Variants in CAMK1D observed in about 807,000 individuals in gnomAD.
CAMK1D encodes the protein calcium/calmodulin dependent protein kinase ID.
Under a neutral mutation model 47.7 loss-of-function variants are expected in CAMK1D, and 9 were observed. The observed-to-expected ratio is 0.19, with a 90% CI of 0.11 to 0.33. The LOEUF (loss-of-function observed/expected upper bound fraction) is 0.33. Among genes scored for constraint, CAMK1D ranks in the 10% least tolerant of loss-of-function variants. The pLI, the probability that CAMK1D is intolerant of heterozygous loss-of-function variation, is 1.00. For missense variants in CAMK1D, 291 were observed against 488.7 expected, an observed-to-expected ratio of 0.60 and a Z score of 3.81; for synonymous variants, 184 against 184.9, an observed-to-expected ratio of 0.99 and a Z score of 0.04.
intron 1 of CAMK1D, among the ~76,000 whole-genome samples, chr10:12,404,727 C>T (rs951974623): frequency 6.6e-6 from 1 of 150,766 alleles, no homozygotes; most frequent in African/African-American, 2.4e-5. Context: ...TGGAGTCTCA[C>T]TCTGTCACCC....
chr10:12,736,672 C>T (rs576823147), intron 3 of CAMK1D, among the ~76,000 whole-genome samples: 5 of 151,738 alleles, frequency 3.3e-5, no homozygotes, highest in African/African-American at 9.7e-5. Flanking sequence ...TATGTTGACA[C>T]GATGTGCTTC....
At chr10:12,443,492 C>T (rs1295484043) in intron 1 of CAMK1D, among the ~76,000 whole-genome samples, 1 of 152,116 alleles carries the variant, frequency 6.6e-6, no homozygotes, top group Non-Finnish European at 1.5e-5. Context: ...AGAGAGGGTT[C>T]TTGGATCTCA....
chr10:12,561,288 G>T (rs2132291070), intron 2 of CAMK1D, among the ~76,000 whole-genome samples: 1 of 152,188 alleles, frequency 6.6e-6, no homozygotes, highest in Non-Finnish European at 1.5e-5. Flanking sequence ...TGGTGTGCGT[G>T]GTTAAAGCCG....
At chr10:12,512,285 A>C (rs2132166038) in intron 1 of CAMK1D, among the ~76,000 whole-genome samples, 1 of 152,346 alleles carries the variant, frequency 6.6e-6, no homozygotes, top group East Asian at 1.9e-4. Flanking sequence ...ACTTTTAGGA[A>C]TTCTGATTCG....
chr10:12,444,384 G>A (rs1380083661), intron 1 of CAMK1D, among the ~76,000 whole-genome samples: 2 of 152,156 alleles, frequency 1.3e-5, no homozygotes, highest in Admixed American at 6.6e-5. Flanking sequence ...TTGAGGAGGT[G>A]TATATGCTGA....
At chr10:12,482,656 C>T (rs949913866) in intron 1 of CAMK1D, among the ~76,000 whole-genome samples, 1 of 152,172 alleles carries the variant, frequency 6.6e-6, no homozygotes, top group African/African-American at 2.4e-5. Flanking sequence ...GTGACACACA[C>T]ATTTGCATTG....
chr10:12,573,081 A>G (rs906491811), intron 2 of CAMK1D, among the ~76,000 whole-genome samples: 1 of 152,210 alleles, frequency 6.6e-6, no homozygotes, highest in Non-Finnish European at 1.5e-5. Flanking sequence ...AGAAGCAAAG[A>G]AGAAAGGCAA....
intron 1 of CAMK1D, among the ~76,000 whole-genome samples, chr10:12,478,537 C>A (rs1588533092): frequency 6.6e-6 from 1 of 152,034 alleles, no homozygotes; most frequent in Non-Finnish European, 1.5e-5. Context: ...AAACTCCTGG[C>A]CCCAACGAGT....
chr10:12,462,803 C>T (rs1165762800), intron 1 of CAMK1D, among the ~76,000 whole-genome samples: 1 of 152,138 alleles, frequency 6.6e-6, no homozygotes, highest in Non-Finnish European at 1.5e-5. Context: ...GCAATCCTCC[C>T]ATCTCAGCTC....
chr10:12,763,960 C>G (rs1030210323), intron 4 of CAMK1D, among the ~76,000 whole-genome samples: 1 of 152,192 alleles, frequency 6.6e-6, no homozygotes, highest in South Asian at 2.1e-4. Context: ...CCCACCCCCA[C>G]AGCCCTCCTG....
At chr10:12,746,569 T>C (rs895658651) in intron 3 of CAMK1D, among the ~76,000 whole-genome samples, 2 of 152,180 alleles carry the variant, frequency 1.3e-5, no homozygotes, top group African/African-American at 4.8e-5. Context: ...TGGAACACCT[T>C]CTCTTTCTTG....
At chr10:12,733,296 T>A (rs1834978263) in intron 3 of CAMK1D, among the ~76,000 whole-genome samples, 1 of 152,180 alleles carries the variant, frequency 6.6e-6, no homozygotes, top group African/African-American at 2.4e-5. Context: ...ACATCTTCCT[T>A]AGTAGCAGTG....
chr10:12,517,081 T>C (rs2768410), intron 1 of CAMK1D, among the ~76,000 whole-genome samples: 1 of 151,916 alleles, frequency 6.6e-6, no homozygotes, highest in African/African-American at 2.4e-5. Context: ...TTTTCAGCAT[T>C]TTATCCTGTA....
chr10:12,787,873 G>A (rs1329855921), intron 5 of CAMK1D, among the ~76,000 whole-genome samples: 2 of 152,162 alleles, frequency 1.3e-5, no homozygotes, highest in South Asian at 2.1e-4. Flanking sequence ...GGTGGTGCAC[G>A]CCTGTAATCC....
chr10:12,751,076 GATAAGATAAGATAAGATA>G (rs1835936014), intron 3 of CAMK1D, among the ~76,000 whole-genome samples: 6 of 44,464 alleles, frequency 1.3e-4, no homozygotes, highest in Non-Finnish European at 2.7e-4. Context: ...GATAAGATAA[GATAAGATAAGATAAGATA>G]AGATAAGATA....
intron 3 of CAMK1D, among the ~76,000 whole-genome samples, chr10:12,732,951 A>C (rs575549712): frequency 6.6e-6 from 1 of 152,272 alleles, no homozygotes; most frequent in East Asian, 1.9e-4. Context: ...GAATGGAGAC[A>C]ATAGCACATG....
chr10:12,750,032 T>C lies in CAMK1D; in HGVS notation c.300-10916T>C, dbSNP rs1272662346. ...TACCTGGAACGTCTGGCAGCTGGTC[T>C]GTTTCCTCATCTTAATTCTAAAAGA... On this transcript the variant is annotated intron_variant, in intron 3 of 10. Transcript: ENST00000619168. Among the ~76,000 whole-genome samples the C allele has an allele frequency of 2.0e-5, 3 of 152,246 alleles. No individual in the cohort carries two copies. In the East Asian group the frequency reaches 5.8e-4, roughly 29 times the overall value.
At chr10:12,782,200 A>G (rs1457862805) in intron 5 of CAMK1D, among the ~76,000 whole-genome samples, 5 of 152,180 alleles carry the variant, frequency 3.3e-5, no homozygotes, top group Admixed American at 3.3e-4. Flanking sequence ...TTACTTGCCA[A>G]CAGTCTGGAT....
chr10:12,507,648 G>A (rs1286962203), intron 1 of CAMK1D, among the ~76,000 whole-genome samples: 1 of 152,154 alleles, frequency 6.6e-6, no homozygotes, highest in African/African-American at 2.4e-5. Context: ...TTGCACAGAG[G>A]CACTGCGGAT....
Sources: allele counts gnomAD v4.1 joint callset (sites outside exome capture counted in the v4.1 genomes callset), GRCh38; gene constraint gnomAD v4.1.1; transcripts MANE v1.5; gene names NCBI Gene and HGNC (gene_info 2026-07-23, HGNC 2026-07-21).